Variants in ZFP64 observed in about 807,000 individuals in gnomAD.
ZFP64 encodes zinc finger protein 64.
Under a neutral mutation model 51.6 loss-of-function variants are expected in ZFP64, and 14 were observed. The ratio of observed to expected loss-of-function variants is 0.27; its 90% confidence interval spans 0.18 to 0.42. ZFP64 has a LOEUF of 0.42. Among genes scored for constraint, ZFP64 ranks in the 10% least tolerant of loss-of-function variants. The probability of loss-of-function intolerance (pLI) is 1.00; values close to 1 mark genes in which losing one functional copy is unlikely to be tolerated. For missense variants in ZFP64, 754 were observed against 906.8 expected (o/e 0.83, Z 2.16); for synonymous variants, 375 against 361.4 (o/e 1.04, Z -0.43).
chr20:52,167,860 AGCAC>A (rs1568693437), intron 2 of ZFP64, among the ~76,000 whole-genome samples: 4 of 152,168 alleles, frequency 2.6e-5, no homozygotes, highest in Non-Finnish European at 5.9e-5. Flanking sequence ...CTTTGTCCAA[AGCAC>A]TAATATCCAT....
chr20:52,152,458 G>C lies in ZFP64; in HGVS notation c.1734C>G (p.Asp578Glu), dbSNP rs763019627. 68 of 1,613,626 alleles carry C rather than the reference G, an allele frequency of 4.2e-5. No homozygotes were observed. The highest frequency in any genetic ancestry group is 5.5e-5 in the Non-Finnish European group (65 of 1,179,928). ...TGAGAGTCTGGTGCAGAGTGGCTCC[G>C]TCCGTCTGCTCGTGGGTGGTCAGCA... ...AVLLTTHEQT[D>E]GATLHQTLIP... Residue 578 changes from aspartate to glutamate, a missense_variant, in exon 6 of 6, where the codon GAC becomes GAG. Transcript: ENST00000216923.
intron 5 of ZFP64, among the ~76,000 whole-genome samples, chr20:52,102,431 G>A (rs773534817): frequency 6.6e-5 from 10 of 152,096 alleles, no homozygotes; most frequent in Non-Finnish European, 1.5e-4. Context: ...CTTGCTCTGT[G>A]AGCAAGAAAC....
intron 7 of ZFP64, among the ~76,000 whole-genome samples, chr20:52,091,582 C>T (rs1304115017): frequency 6.6e-6 from 1 of 152,124 alleles, no homozygotes; most frequent in Non-Finnish European, 1.5e-5. Flanking sequence ...AACATGGCTT[C>T]ACAAATGGTT....
At chr20:52,179,595 A>T (rs1011647393) in intron 2 of ZFP64, among the ~76,000 whole-genome samples, 1 of 152,232 alleles carries the variant, frequency 6.6e-6, no homozygotes, top group Non-Finnish European at 1.5e-5. Context: ...TGGAGCTCAC[A>T]GGCCAAACTG....
At chr20:52,173,412 C>T (rs373581598) in intron 2 of ZFP64, among the ~76,000 whole-genome samples, 17 of 152,046 alleles carry the variant, frequency 1.1e-4, no homozygotes, top group Admixed American at 4.6e-4. Flanking sequence ...CACAGGGAGA[C>T]GCCGTCTCCA....
downstream of ZFP64, among the ~76,000 whole-genome samples, chr20:52,148,600 C>T (rs1980636690): frequency 6.6e-6 from 1 of 151,840 alleles, no homozygotes; most frequent in Non-Finnish European, 1.5e-5. Flanking sequence ...ACGTGGGAGG[C>T]TGAGGCAGGA....
intron 8 of ZFP64, among the ~76,000 whole-genome samples, chr20:52,087,106 A>G (rs1280444677): frequency 6.6e-6 from 1 of 152,056 alleles, no homozygotes; most frequent in African/African-American, 2.4e-5. Context: ...GCACTGTTCC[A>G]TTGTCTCCTA....
intron 5 of ZFP64, chr20:52,105,108 C>G: frequency 7.2e-7 from 1 of 1,397,774 alleles, no homozygotes; most frequent in Non-Finnish European, 9.2e-7. Context: ...AGCCCCCGGG[C>G]GGGGCTCCAG....
chr20:52,128,222 T>G (rs1158849619), intron 5 of ZFP64, among the ~76,000 whole-genome samples: 1 of 152,182 alleles, frequency 6.6e-6, no homozygotes, highest in Non-Finnish European at 1.5e-5. Context: ...GAGGATTGTT[T>G]GAGGCCAAGA....
chr20:52,151,927 C>T lies in ZFP64; in HGVS notation c.*219G>A. The T allele has an allele frequency of 8.8e-7, 1 of 1,135,964 alleles. No individual in the cohort carries two copies. Among genetic ancestry groups the T allele is most frequent in the Non-Finnish European group, 1.2e-6 (1 of 847,794 alleles). 70.4% of individuals were successfully genotyped at this position (1,135,964 alleles called of 1,614,324 possible). A position where few individuals can be genotyped will look rare whatever the true frequency, so the allele number is the denominator to read the frequency against. The stretch of plus-strand genomic sequence containing the variant: ...TGTCGTACACCTGTGGTCCCAGCTA[C>T]TCGGAGGGCTGAGGCATGAGAATCG... On this transcript the variant is annotated 3_prime_UTR_variant, in exon 6 of 6. Transcript: ENST00000216923.
At chr20:52,131,717 T>C (rs1979731708) in intron 5 of ZFP64, among the ~76,000 whole-genome samples, 1 of 152,138 alleles carries the variant, frequency 6.6e-6, no homozygotes, top group African/African-American at 2.4e-5. Flanking sequence ...CCCAGATATA[T>C]AAAAGAAACA....
chr20:52,174,909 T>A (rs923357592), intron 2 of ZFP64, among the ~76,000 whole-genome samples: 4 of 152,206 alleles, frequency 2.6e-5, no homozygotes, highest in African/African-American at 9.6e-5. Context: ...AGAGACGACT[T>A]GAGAGGACAA....
At chr20:52,111,138 G>T (rs1978548145) in intron 5 of ZFP64, 1 of 728,924 alleles carries the variant, frequency 1.4e-6, no homozygotes, top group Non-Finnish European at 2.5e-6. Context: ...CCACATCGCC[G>T]GGTTCCGCGA....
intron 2 of ZFP64, among the ~76,000 whole-genome samples, chr20:52,177,791 G>A (rs1385203154): frequency 6.6e-6 from 1 of 152,176 alleles, no homozygotes; most frequent in Non-Finnish European, 1.5e-5. Flanking sequence ...CCAACACTTT[G>A]GGAGGCTGAG....
At chr20:52,116,125 C>T (rs1310383472) in intron 5 of ZFP64, among the ~76,000 whole-genome samples, 1 of 151,314 alleles carries the variant, frequency 6.6e-6, no homozygotes, top group Non-Finnish European at 1.5e-5. Context: ...TGAGCCACAG[C>T]ACCACGTCAA....
At chr20:52,136,746 G>A (rs1045548074) in intron 5 of ZFP64, among the ~76,000 whole-genome samples, 1 of 151,952 alleles carries the variant, frequency 6.6e-6, no homozygotes, top group East Asian at 1.9e-4. Flanking sequence ...ATATATATAT[G>A]TTGCTTTGGT....
chr20:52,101,677 G>A (rs2079052005), intron 5 of ZFP64, among the ~76,000 whole-genome samples: 2 of 152,138 alleles, frequency 1.3e-5, no homozygotes, highest in African/African-American at 4.8e-5. Context: ...CAAAAGTGCT[G>A]GGATTACAGG....
At chr20:52,142,716 T>C (rs1400861889) in intron 5 of ZFP64, among the ~76,000 whole-genome samples, 2 of 140,944 alleles carry the variant, frequency 1.4e-5, no homozygotes, top group African/African-American at 5.1e-5. Context: ...GGGGTGCACC[T>C]GTAATCCCAG....
At chr20:52,089,770 T>C (rs565711663) in intron 7 of ZFP64, among the ~76,000 whole-genome samples, 29 of 150,250 alleles carry the variant, frequency 1.9e-4, no homozygotes, top group African/African-American at 7.1e-4. Flanking sequence ...TGAACCTTAC[T>C]GTAAACTATG....
Sources: allele counts gnomAD v4.1 joint callset (sites outside exome capture counted in the v4.1 genomes callset), GRCh38; gene constraint gnomAD v4.1.1; transcripts MANE v1.5; gene names NCBI Gene and HGNC (gene_info 2026-07-23, HGNC 2026-07-21).